The following MRPL9 variants were observed in gnomAD, a reference collection of about 807,000 sequenced individuals.
The protein encoded by MRPL9 is mitochondrial ribosomal protein L9, also known as large ribosomal subunit protein bL9m.
Under a neutral mutation model 27.6 loss-of-function variants are expected in MRPL9, and 25 were observed. The observed-to-expected ratio is 0.91, with a 90% CI of 0.66 to 1.27. The LOEUF (loss-of-function observed/expected upper bound fraction) is 1.27. Ranked by LOEUF, MRPL9 falls within the 50% of genes most tolerant of loss-of-function variation. The pLI is 0.00. For missense variants in MRPL9, 362 were observed against 338.0 expected, an observed-to-expected ratio of 1.07 and a Z score of -0.56; for synonymous variants, 154 against 139.0, an observed-to-expected ratio of 1.11 and a Z score of -0.76.
At chr1:151,762,727 G>A in intron 2 of MRPL9, 1 of 642,554 alleles carries the variant, frequency 1.6e-6, no homozygotes, top group East Asian at 2.8e-5. Context: ...TCGTCCCATG[G>A]AGGATTTCAG....
At chr1:151,762,308 G>C in intron 3 of MRPL9, 68 bp downstream of exon 3, 2 of 1,604,278 alleles carry the variant, frequency 1.2e-6, no homozygotes, top group Non-Finnish European at 1.7e-6. Context: ...AAATGTCAAA[G>C]GGAAGGAAGC....
rs1648084363 is a variant in MRPL9, at chr1:151,761,551, G to A, written c.488C>T (p.Thr163Ile). The change falls in exon 5 of 7, where the codon ACA (threonine) becomes ATA (isoleucine). Residue 163 changes from threonine to isoleucine, a missense_variant and splice_region_variant. Thr to Ile is a moderately conservative substitution (Grantham distance 89). Transcript: ENST00000368830. The part of the protein sequence containing the change: ...EKIQTKAGEA[T>I]VKFLKSCRLE... ...GCGACAGCTTTTTAGAAATTTCACT[G>A]TCTGAAAGGAATTATGAGTTTGAGT... 1 of 1,605,186 alleles carries A rather than the reference G, an allele frequency of 6.2e-7. No individual in the cohort carries two copies. The highest frequency in any genetic ancestry group is 8.5e-7 in the Non-Finnish European group (1 of 1,172,266).
intron 5 of MRPL9, among the ~76,000 whole-genome samples, chr1:151,761,221 G>A (rs148894347): frequency 6.6e-6 from 1 of 152,302 alleles, no homozygotes; most frequent in Non-Finnish European, 1.5e-5. Flanking sequence ...TAGGTAGACA[G>A]GAAATAAATG....
intron 6 of MRPL9, 79 bp from the exon 7 acceptor site, chr1:151,760,260 C>T (rs975249727): frequency 1.2e-5 from 19 of 1,569,144 alleles, no homozygotes; most frequent in Non-Finnish European, 1.7e-5. Context: ...AGCTTTTCAC[C>T]CTGACTTTTC....
chr1:151,763,403 A>G lies in MRPL9; in HGVS notation c.77T>C (p.Val26Ala). 1 of 1,565,476 alleles carries G rather than the reference A, an allele frequency of 6.4e-7. No homozygotes were observed. Reference protein sequence around the residue: ...AGAGRLLRGGVQELLRPRHEG... With the variant: ...AGAGRLLRGGAQELLRPRHEG... ...ATGTCGCGGCCGCAGTAGCTCCTGG[A>G]CGCCTCCCCGAAGCAGCCGTCCAGC... is the stretch of plus-strand genomic sequence containing the variant. The change falls in exon 1 of 7, where the codon GTC becomes GCC. Residue 26 changes from valine (V) to alanine (A), a missense_variant. By Grantham distance (64) the Val-to-Ala change is moderately conservative (BLOSUM62 0). Coordinates refer to ENST00000368830, the MANE Select transcript of MRPL9 (RefSeq NM_031420.4).
intron 2 of MRPL9, 64 bp from the exon 3 acceptor site, chr1:151,762,564 A>C: frequency 2.0e-6 from 3 of 1,533,128 alleles, no homozygotes; most frequent in East Asian, 2.3e-5. Context: ...AAAAGATGTC[A>C]AAAAGAGAAG....
chr1:151,760,847 G>GTGA lies in MRPL9; in HGVS notation c.638_640dup (p.Ile213dup). 6.3e-7 allele frequency: 1 copy of GTGA among 1,584,238 alleles called. No individual in the cohort carries two copies. The highest frequency in any genetic ancestry group is 2.3e-5 in the East Asian group (1 of 43,884). On this transcript the variant is annotated inframe_insertion, in exon 6 of 7. Transcript: ENST00000368830. ...CTCACACCAATACTCGCCCCACCGT[G>GTGA]TGATAGGCTCTTCTGGTAACTTTAA...
In MRPL9 at chr1:151,763,435, C is replaced by A; in HGVS notation, c.45G>T (p.Arg15=). 1 of 1,569,152 alleles carries A rather than the reference C, an allele frequency of 6.4e-7. No homozygotes were observed. The highest frequency in any genetic ancestry group is 1.2e-5 in the South Asian group (1 of 85,810). Residue 15 remains arginine (R), a synonymous_variant, in exon 1 of 7, where the codon CGG becomes CGT. Coordinates refer to ENST00000368830, the MANE Select transcript of MRPL9 (RefSeq NM_031420.4). ...VVTAPGRALL[R]AGAGRLLRGG... ...CCCGAAGCAGCCGTCCAGCGCCCGC[C>A]CGCAGCAGAGCTCTGCCCGGGGCCG...
Position 151,763,329 on chromosome 1 carries a change from GA to G in MRPL9, c.150del (p.Arg51GlyfsTer48). 6.3e-7 allele frequency: 1 copy of G among 1,594,472 alleles called. No homozygotes were observed. The highest frequency in any genetic ancestry group is 8.6e-7 in the Non-Finnish European group (1 of 1,169,432). On this transcript the variant is annotated frameshift_variant, in exon 1 of 7. Coordinates refer to ENST00000368830, the MANE Select transcript of MRPL9 (RefSeq NM_031420.4). LOFTEE classifies it high-confidence loss of function. ...DLACNFSLSQ[N>X]RGTVIVERWW... ...CCTACCCCAGACTCAGCCCTCACCC[GA>G]TTTTGAGAAAGGCTGAAGTTGCAGG...
rs1359352832 is a variant in MRPL9, at chr1:151,763,095, G to C, written c.205C>G (p.Arg69Gly). The change falls in exon 2 of 7, where the codon CGG becomes GGG. Residue 69 changes from arginine (R) to glycine (G), a missense_variant. By Grantham distance (125) the Arg-to-Gly change is moderately radical (BLOSUM62 -2). Coordinates refer to ENST00000368830, the MANE Select transcript of MRPL9 (RefSeq NM_031420.4). Reference protein sequence around the residue: ...WWKVPLAGEGRKPRLHRRHRV... With the variant: ...WWKVPLAGEGGKPRLHRRHRV... ...TGTCGCCGGTGCAGGCGCGGCTTCCGGCCCTCCCCGGCCAGCGGTACCTTC... is the reference window on the plus strand; with the variant it reads ...TGTCGCCGGTGCAGGCGCGGCTTCCCGCCCTCCCCGGCCAGCGGTACCTTC... 6 of 1,613,956 alleles carry C rather than the reference G, an allele frequency of 3.7e-6. No individual in the cohort carries two copies. The highest frequency in any genetic ancestry group is 8.5e-7 in the Non-Finnish European group (1 of 1,179,964).
Position 151,763,050 on chromosome 1 carries a change from C to T in MRPL9, c.250G>A (p.Glu84Lys). 1 of 1,614,228 alleles carries T rather than the reference C, an allele frequency of 6.2e-7. No individual in the cohort carries two copies. Residue 84 changes from glutamate (E) to lysine (K), a missense_variant, in exon 2 of 7, where the codon GAG (glutamate) becomes AAG (lysine). Glu to Lys is a moderately conservative substitution (Grantham distance 56). Transcript: ENST00000368830. ...TCTTTGGGCCGATGCTTCGTGTCCT[C>T]CACCAGCTTATAGACGCGATGTCGC... The part of the protein sequence containing the change: ...HRRHRVYKLV[E>K]DTKHRPKENL...
chr1:151,760,765 G>A (rs1393364239), intron 6 of MRPL9, 51 bp downstream of exon 6: 3 of 1,481,524 alleles, frequency 2.0e-6, no homozygotes, highest in Non-Finnish European at 2.7e-6. Flanking sequence ...AAAGGAAAAA[G>A]TGGGGGAAAA....
In MRPL9 at chr1:151,760,903, C is replaced by CAAAAAAAAAAAAAAAAAAA. The variant is rs755031728; in HGVS notation, c.589-23_589-5dup. ...GTGGGGCAACCACAACACCAAGCTGCAAAAAAAAAAAAAAAAAAAAAAATC... is the reference window on the plus strand; with the variant it reads ...GTGGGGCAACCACAACACCAAGCTGCAAAAAAAAAAAAAAAAAAAAAAAAAAAAAAAAAAAAAAAAAATC... On this transcript the variant is annotated splice_polypyrimidine_tract_variant and splice_region_variant and intron_variant, in intron 5 of 6. Coordinates refer to ENST00000368830, the MANE Select transcript of MRPL9 (RefSeq NM_031420.4). 357 of 953,484 alleles carry CAAAAAAAAAAAAAAAAAAA rather than the reference C, an allele frequency of 3.7e-4. 5 individuals are homozygous for CAAAAAAAAAAAAAAAAAAA. The highest frequency in any genetic ancestry group is 1.1e-3 in the Middle Eastern group (3 of 2,784). The allele number at this position is 953,484 out of a possible 1,614,324, so 59.1% of individuals were successfully genotyped here.
At chr1:151,760,264 AC>A in intron 6 of MRPL9, 83 bp from the exon 7 acceptor site, 2 of 1,562,370 alleles carry the variant, frequency 1.3e-6, no homozygotes, top group South Asian at 1.1e-5. Flanking sequence ...TTTCACCCTG[AC>A]TTTTCTCCCA....
chr1:151,760,941 A>G, intron 5 of MRPL9, 42 bp from the exon 6 acceptor site: 1 of 1,502,642 alleles, frequency 6.7e-7, no homozygotes, highest in Non-Finnish European at 8.9e-7. Flanking sequence ...AGCTCAAATG[A>G]ACTCTGTTTT....
chr1:151,763,403 A>T lies in MRPL9; in HGVS notation c.77T>A (p.Val26Asp). 6.4e-7 allele frequency: 1 copy of T among 1,565,476 alleles called. No individual in the cohort carries two copies. The highest frequency in any genetic ancestry group is 8.7e-7 in the Non-Finnish European group (1 of 1,154,528). ...ATGTCGCGGCCGCAGTAGCTCCTGGACGCCTCCCCGAAGCAGCCGTCCAGC... is the reference window on the plus strand; with the variant it reads ...ATGTCGCGGCCGCAGTAGCTCCTGGTCGCCTCCCCGAAGCAGCCGTCCAGC... ...AGAGRLLRGG[V>D]QELLRPRHEG... The change falls in exon 1 of 7, where the codon GTC (valine) becomes GAC (aspartate). Residue 26 changes from valine (V) to aspartate (D), a missense_variant. Transcript: ENST00000368830.
rs1347414607 is a variant in MRPL9, at chr1:151,763,344, T to C, written c.136A>G (p.Ser46Gly). 1.3e-6 allele frequency: 2 copies of C among 1,590,526 alleles called. No homozygotes were observed. The highest frequency in any genetic ancestry group is 2.3e-5 in the East Asian group (1 of 43,594). Residue 46 changes from serine to glycine, a missense_variant, in exon 1 of 7, where the codon AGC (serine) becomes GGC (glycine). By Grantham distance (56) the Ser-to-Gly change is moderately conservative. Transcript: ENST00000368830. ...GNAPDLACNFSLSQNRGTVIV... is the reference protein window; with the variant it reads ...GNAPDLACNFGLSQNRGTVIV... ...GCCCTCACCCGATTTTGAGAAAGGC[T>C]GAAGTTGCAGGCCAGGTCAGGGGCG...
intron 5 of MRPL9, among the ~76,000 whole-genome samples, chr1:151,761,242 C>T: frequency 6.6e-6 from 1 of 152,240 alleles, no homozygotes; most frequent in East Asian, 1.9e-4. Flanking sequence ...GAAACCACCA[C>T]CTTTTCCTAT....
In MRPL9 at chr1:151,763,406, C is replaced by G. The variant is rs1294503270; in HGVS notation, c.74G>C (p.Gly25Ala). 3 of 1,565,486 alleles carry G rather than the reference C, an allele frequency of 1.9e-6. No homozygotes were observed. The highest frequency in any genetic ancestry group is 1.7e-6 in the Non-Finnish European group (2 of 1,154,616). The change falls in exon 1 of 7, where the codon GGC becomes GCC. Residue 25 changes from glycine to alanine, a missense_variant. Transcript: ENST00000368830. ...RAGAGRLLRG[G>A]VQELLRPRHE... ...TCGCGGCCGCAGTAGCTCCTGGACG[C>G]CTCCCCGAAGCAGCCGTCCAGCGCC...
Sources: allele counts gnomAD v4.1 joint callset (sites outside exome capture counted in the v4.1 genomes callset), GRCh38; gene constraint gnomAD v4.1.1; transcripts MANE v1.5; gene names NCBI Gene and HGNC (gene_info 2026-07-23, HGNC 2026-07-21).